Variants in RP1 observed in about 807,000 individuals in gnomAD.
RP1 encodes RP1 axonemal microtubule associated, also known as oxygen-regulated protein 1.
Under a neutral mutation model 14.8 loss-of-function variants are expected in RP1, and 16 were observed. That is an observed-to-expected ratio of 1.08 (90% CI 0.73 to 1.65). The LOEUF is 1.65. Ranked by LOEUF, RP1 falls within the 40% of genes most tolerant of loss-of-function variation. The pLI, the probability that RP1 is intolerant of heterozygous loss-of-function variation, is 0.00. For synonymous variants in RP1, 876 were observed against 883.6 expected, an observed-to-expected ratio of 0.99 and a Z score of 0.15; for missense variants, 2,631 against 2,535.0, an observed-to-expected ratio of 1.04 and a Z score of -0.81.
At chr8:54,633,623 T>G (rs141894572), downstream of RP1, among the ~76,000 whole-genome samples, 1,155 of 151,770 alleles carry the variant, frequency 7.6e-3, 19 homozygotes, top group African/African-American at 0.026. Flanking sequence ...CTATTTTTCT[T>G]TAAAAAGCCA....
intron 26 of RP1, among the ~76,000 whole-genome samples, chr8:54,855,291 G>A (rs1329434564): frequency 1.3e-5 from 2 of 152,150 alleles, no homozygotes; most frequent in Non-Finnish European, 2.9e-5. Context: ...GCATGTTGTA[G>A]CATGTGAGAG....
intron 8 of RP1, among the ~76,000 whole-genome samples, chr8:54,676,249 G>T (rs1434400847): frequency 1.3e-5 from 2 of 152,144 alleles, no homozygotes; most frequent in Non-Finnish European, 2.9e-5. Context: ...ACAAGTTATG[G>T]GTTCACCACT....
intron 19 of RP1, among the ~76,000 whole-genome samples, chr8:54,744,836 C>T (rs1006132537): frequency 1.3e-5 from 2 of 152,196 alleles, no homozygotes; most frequent in East Asian, 3.9e-4. Flanking sequence ...TTTCCCTTTT[C>T]TTATATTGCA....
intron 23 of RP1, among the ~76,000 whole-genome samples, chr8:54,779,006 T>C (rs561687341): frequency 6.6e-6 from 1 of 152,286 alleles, no homozygotes; most frequent in South Asian, 2.1e-4. Flanking sequence ...CAGGGCTTTT[T>C]TGGAGGTGGA....
intron 27 of RP1, among the ~76,000 whole-genome samples, chr8:54,859,553 T>C (rs999605600): frequency 1.3e-5 from 2 of 150,912 alleles, no homozygotes; most frequent in Non-Finnish European, 3.0e-5. Context: ...GCAGTGTCAC[T>C]GTAGGTGGTG....
At chr8:54,563,205 G>A (rs568480697) in intron 1 of RP1, among the ~76,000 whole-genome samples, 17 of 152,200 alleles carry the variant, frequency 1.1e-4, no homozygotes, top group Non-Finnish European at 1.8e-4. Flanking sequence ...TCTGGCTGCT[G>A]GTGGCTTCCT....
At position 54,836,591 on chromosome 8, in the gene RP1, C is replaced by G. The variant is rs1344954249; in HGVS notation, c.3616-859C>G. ...TGTCAAGGAAACAGGGAACTCAATC[C>G]TACAGCCTCAAGGAACAGGATCCTG... On this transcript the variant is annotated intron_variant, in intron 24 of 28. Coordinates refer to the RP1 transcript ENST00000637698. Among the ~76,000 whole-genome samples, 4 of 152,118 alleles carry G rather than the reference C, an allele frequency of 2.6e-5. No homozygotes were observed. The East Asian group carries it at 7.7e-4, about 29-fold the overall frequency.
intron 1 of RP1, among the ~76,000 whole-genome samples, chr8:54,576,104 A>G (rs1051270260): frequency 1.3e-4 from 20 of 150,008 alleles, no homozygotes; most frequent in African/African-American, 4.7e-4. Context: ...GCAGTGGCGC[A>G]ATCTCGGCTC....
exon 16 of RP1, chr8:54,720,295 A>G: frequency 1.3e-6 from 2 of 1,534,974 alleles, no homozygotes; most frequent in Non-Finnish European, 1.7e-6. Context: ...TTCTATCCAC[A>G]AGTCATCCAA....
chr8:54,636,223 G>T (rs1242988511), intron 3 of RP1, among the ~76,000 whole-genome samples: 1 of 152,280 alleles, frequency 6.6e-6, no homozygotes, highest in East Asian at 1.9e-4. Context: ...GACCCACAAG[G>T]GTGTCTGCCT....
At chr8:54,832,169 T>C (rs191969807) in intron 24 of RP1, among the ~76,000 whole-genome samples, 2 of 151,950 alleles carry the variant, frequency 1.3e-5, no homozygotes, top group Admixed American at 1.3e-4. Flanking sequence ...GATTGCTTTT[T>C]CTGTGGGTTG....
At chr8:54,660,722 G>A (rs1333465922) in intron 6 of RP1, among the ~76,000 whole-genome samples, 1 of 151,936 alleles carries the variant, frequency 6.6e-6, no homozygotes, top group African/African-American at 2.4e-5. Context: ...GTCTCTGTGG[G>A]CAAATGCATT....
At chr8:54,621,720 G>A (rs1805885068) in intron 2 of RP1, 139 bp downstream of exon 2, 2 of 1,256,746 alleles carry the variant, frequency 1.6e-6, no homozygotes, top group African/African-American at 1.5e-5. Context: ...TGTGTGCTCC[G>A]ATGCTGCCTT....
At chr8:54,608,019 C>T (rs749195438) in intron 1 of RP1, among the ~76,000 whole-genome samples, 65 of 152,104 alleles carry the variant, frequency 4.3e-4, no homozygotes, top group African/African-American at 1.3e-3. Flanking sequence ...CACCCTGCTT[C>T]GGCTCATGCT....
chr8:54,757,408 G>C (rs1456225647), intron 21 of RP1, among the ~76,000 whole-genome samples: 1 of 152,210 alleles, frequency 6.6e-6, no homozygotes, highest in Non-Finnish European at 1.5e-5. Context: ...GTTTGGGCTT[G>C]TCCCAAAGCC....
intron 12 of RP1, among the ~76,000 whole-genome samples, chr8:54,695,185 C>G (rs955828244): frequency 1.6e-4 from 25 of 152,176 alleles, no homozygotes; most frequent in Admixed American, 5.2e-4. Flanking sequence ...GTCTGAGAGA[C>G]AGTTTGTTAT....
chr8:54,684,843 C>A (rs948434925), intron 12 of RP1, among the ~76,000 whole-genome samples: 3 of 152,120 alleles, frequency 2.0e-5, no homozygotes, highest in Admixed American at 2.0e-4. Context: ...TTTGCAGGGA[C>A]ATGGATGAAG....
intron 5 of RP1, chr8:54,656,052 A>C: frequency 6.9e-7 from 1 of 1,453,736 alleles, no homozygotes; most frequent in Non-Finnish European, 9.1e-7. Flanking sequence ...GCATTCCTAC[A>C]TTTTTAAAAG....
intron 1 of RP1, among the ~76,000 whole-genome samples, chr8:54,597,489 G>A (rs1486800786): frequency 9.2e-5 from 14 of 152,054 alleles, no homozygotes; most frequent in African/African-American, 2.4e-4. Context: ...GGGAACATGA[G>A]TCTACAGGAC....
Sources: allele counts gnomAD v4.1 joint callset (sites outside exome capture counted in the v4.1 genomes callset), GRCh38; gene constraint gnomAD v4.1.1; transcripts MANE v1.5; gene names NCBI Gene and HGNC (gene_info 2026-07-23, HGNC 2026-07-21).